RAB3IP: variants seen among roughly 807,000 people sequenced by gnomAD.
The protein encoded by RAB3IP is RAB3A interacting protein.
In RAB3IP, 36 loss-of-function variants were observed where a neutral mutation model predicts 59.1. That is an observed-to-expected ratio of 0.61 (90% confidence interval 0.47 to 0.80). The LOEUF (loss-of-function observed/expected upper bound fraction) is 0.80. RAB3IP is among the 30% of genes least tolerant of loss of function. The pLI is 0.00. For missense variants in RAB3IP, 511 were observed against 536.0 expected (o/e 0.95, Z 0.46); for synonymous variants, 207 against 191.2 (o/e 1.08, Z -0.68).
At chr12:69,744,299 GTAT>G (rs754461096) in intron 1 of RAB3IP, among the ~76,000 whole-genome samples, 1 of 151,968 alleles carries the variant, frequency 6.6e-6, no homozygotes, top group Non-Finnish European at 1.5e-5. Flanking sequence ...TTAGCTCATT[GTAT>G]TATTACAAAT....
intron 3 of RAB3IP, among the ~76,000 whole-genome samples, chr12:69,760,440 G>A (rs1032171266): frequency 6.6e-6 from 1 of 152,218 alleles, no homozygotes; most frequent in Admixed American, 6.5e-5. Flanking sequence ...GGGAGAGGGA[G>A]AGCCTCCAAC....
intron 4 of RAB3IP, among the ~76,000 whole-genome samples, chr12:69,785,758 C>T (rs1875536128): frequency 6.6e-6 from 1 of 152,144 alleles, no homozygotes; most frequent in South Asian, 2.1e-4. Flanking sequence ...ACTACATATT[C>T]GAGCACCCTT....
rs1448864079 is a variant in RAB3IP at position 69,819,755 on chromosome 12, G to A, written c.*4309G>A. The A allele has an allele frequency of 6.6e-6, 1 of 152,204 alleles. No individual in the cohort carries two copies. The highest frequency in any genetic ancestry group is 2.4e-5 in the African/African-American group (1 of 41,428). 9.4% of individuals were successfully genotyped at this position (152,204 alleles called of 1,614,324 possible). On this transcript the variant is annotated 3_prime_UTR_variant, in exon 11 of 11. Coordinates refer to ENST00000247833, the MANE Select transcript of RAB3IP (RefSeq NM_022456.5). ...GTTTTTAGAAGTTGGTTTGGAGCTG[G>A]GGTGAGAGCCTGGCCTAATGGAGAC...
At chr12:69,806,570 G>GTTTTTTTTTTTTTT (rs35262716) in intron 8 of RAB3IP, among the ~76,000 whole-genome samples, 37 of 68,460 alleles carry the variant, frequency 5.4e-4, no homozygotes, top group Middle Eastern at 0.012. Flanking sequence ...TGCTTCTCTA[G>GTTTTTTTTTTTTTT]TTTTTTTTTT....
At chr12:69,747,317 TG>T (rs879458905) in intron 1 of RAB3IP, among the ~76,000 whole-genome samples, 12 of 143,606 alleles carry the variant, frequency 8.4e-5, no homozygotes, top group African/African-American at 1.3e-4. Flanking sequence ...TGTGTGTGTG[TG>T]TGTGTGTGTG....
intron 3 of RAB3IP, among the ~76,000 whole-genome samples, chr12:69,770,437 GT>G (rs1872921346): frequency 6.6e-6 from 1 of 152,044 alleles, no homozygotes; most frequent in African/African-American, 2.4e-5. Flanking sequence ...GTAAATAGTT[GT>G]TATACTGTAT....
In RAB3IP at chr12:69,812,887, T is replaced by C; in HGVS notation, c.1230+10T>C. ...TTTTTGCAGATACAGGGTAAGTGAC[T>C]TAACCATGAATTTTAATAAAGCTTG... On this transcript the variant is annotated intron_variant, in intron 9 of 10. Transcript: ENST00000247833. 6.2e-7 allele frequency: 1 copy of C among 1,605,752 alleles called. No homozygotes were observed. Among genetic ancestry groups the C allele is most frequent in the Non-Finnish European group, 8.5e-7 (1 of 1,172,362 alleles).
intron 1 of RAB3IP, among the ~76,000 whole-genome samples, chr12:69,753,802 G>A (rs1384159009): frequency 1.3e-5 from 2 of 152,140 alleles, no homozygotes; most frequent in Non-Finnish European, 2.9e-5. Context: ...AGCAGACAGG[G>A]AAAATCAATA....
chr12:69,747,045 T>C (rs1868420623), intron 1 of RAB3IP, among the ~76,000 whole-genome samples: 1 of 152,216 alleles, frequency 6.6e-6, no homozygotes, highest in Non-Finnish European at 1.5e-5. Flanking sequence ...TTTACTTTTT[T>C]TGAGGAAAAT....
chr12:69,793,343 GAAAC>G (rs1172238060), intron 4 of RAB3IP, among the ~76,000 whole-genome samples: 3 of 152,108 alleles, frequency 2.0e-5, no homozygotes, highest in African/African-American at 2.4e-5. Context: ...GAACAAACGG[GAAAC>G]AAACAGTCAA....
At chr12:69,779,171 C>G (rs1352265433) in intron 3 of RAB3IP, 1 of 140,526 alleles carries the variant, frequency 7.1e-6, no homozygotes, top group South Asian at 2.5e-4. Flanking sequence ...GGGAGTGACC[C>G]GATTTTCCAG....
In RAB3IP at chr12:69,784,762, G is replaced by A; in HGVS notation, c.553G>A (p.Val185Met). 1.2e-6 allele frequency: 2 copies of A among 1,610,036 alleles called. No individual in the cohort carries two copies. The highest frequency in any genetic ancestry group is 8.5e-7 in the Non-Finnish European group (1 of 1,177,714). ...TGAAGAATGTGAGAGGCTTTCAAAA[G>A]TGCGAGATCAACTTGGACAGGAATT... ...KDEECERLSK[V>M]RDQLGQELEE... The change falls in exon 4 of 11, where the codon GTG becomes ATG. Residue 185 changes from valine to methionine, a missense_variant. Physicochemically the swap from Val to Met is conservative, Grantham distance 21. Coordinates refer to ENST00000247833, the MANE Select transcript of RAB3IP (RefSeq NM_022456.5).
chr12:69,738,632 A>G (rs904908505), upstream of RAB3IP: 16 of 150,754 alleles, frequency 1.1e-4, no homozygotes, highest in Admixed American at 9.2e-4. Context: ...AACAGAGCGC[A>G]GCTCCGGCTC....
Position 69,784,715 on chromosome 12 carries a change from C to G in RAB3IP, c.511-5C>G. 5 of 1,571,496 alleles carry G rather than the reference C, an allele frequency of 3.2e-6. No homozygotes were observed. The highest frequency in any genetic ancestry group is 4.4e-6 in the Non-Finnish European group (5 of 1,146,750). On this transcript the variant is annotated splice_polypyrimidine_tract_variant and splice_region_variant and intron_variant, in intron 3 of 10. Transcript: ENST00000247833. ...ATCCAAAATAAAATTATCAATTTCT[C>G]TTAGGAACTGAAGTTAAAAGATGAA...
intron 1 of RAB3IP, among the ~76,000 whole-genome samples, chr12:69,742,816 G>A (rs763044013): frequency 6.6e-6 from 1 of 152,160 alleles, no homozygotes; most frequent in Non-Finnish European, 1.5e-5. Context: ...ACTAAATGAG[G>A]TAGTTTTATA....
chr12:69,763,605 AT>A (rs1290250370), intron 3 of RAB3IP, among the ~76,000 whole-genome samples: 29 of 151,692 alleles, frequency 1.9e-4, no homozygotes, highest in Non-Finnish European at 2.9e-5. Context: ...ACTTGTTAAA[AT>A]TTTTTTTTCT....
Position 69,784,684 on chromosome 12 carries a change from A to G in RAB3IP, c.511-36A>G, listed in dbSNP as rs746880826. On this transcript the variant is annotated intron_variant, in intron 3 of 10. Coordinates refer to ENST00000247833, the MANE Select transcript of RAB3IP (RefSeq NM_022456.5). Reference sequence around the variant, plus strand: ...AGTCTGCTGAATCTAACTTCAAACTATGGAGATCCAAAATAAAATTATCAA... The same window carrying G: ...AGTCTGCTGAATCTAACTTCAAACTGTGGAGATCCAAAATAAAATTATCAA... 7.1e-6 allele frequency: 9 copies of G among 1,261,474 alleles called. No individual in the cohort carries two copies. In the East Asian group the frequency reaches 9.5e-5, roughly 13 times the overall value. The allele number at this position is 1,261,474 out of a possible 1,614,324, so 78.1% of individuals were successfully genotyped here.
intron 7 of RAB3IP, 89 bp from the exon 8 acceptor site, chr12:69,801,520 G>A (rs967636386): frequency 1.5e-6 from 1 of 653,322 alleles, no homozygotes; most frequent in African/African-American, 1.9e-5. Flanking sequence ...CTTTGGAGAA[G>A]AATAATTTAT....
intron 10 of RAB3IP, among the ~76,000 whole-genome samples, chr12:69,814,936 CT>C (rs1370360174): frequency 6.6e-6 from 1 of 152,062 alleles, no homozygotes; most frequent in Non-Finnish European, 1.5e-5. Context: ...GTCTTGTTTT[CT>C]TTTTTTGCCC....
Sources: gnomAD v4.1 joint callset for allele counts (sites outside exome capture counted in the v4.1 genomes callset) on GRCh38, gnomAD v4.1.1 for gene constraint, MANE v1.5 for transcripts, NCBI Gene and HGNC (gene_info 2026-07-23, HGNC 2026-07-21) for gene names.